PRAMEF27: variants seen among roughly 807,000 people sequenced by gnomAD.
PRAMEF27 encodes PRAME family member 27.
In PRAMEF27, 5 loss-of-function variants were observed where a neutral mutation model predicts 21.0. The observed-to-expected ratio is 0.24, with a 90% CI of 0.12 to 0.50. The LOEUF (loss-of-function observed/expected upper bound fraction) is 0.50, where lower values mean the gene tolerates loss of function less well. Ranked by LOEUF, PRAMEF27 falls within the 20% of genes least tolerant of loss-of-function variation. The pLI, the probability that PRAMEF27 is intolerant of heterozygous loss-of-function variation, is 0.98. For synonymous variants in PRAMEF27, 61 were observed against 211.2 expected (o/e 0.29, Z 6.17); for missense variants, 138 against 541.4 (o/e 0.25, Z 7.39).
chr1:13,055,729 C>G (rs1352176922), intron 1 of PRAMEF27: 2 of 147,476 alleles, frequency 1.4e-5, no homozygotes, highest in Non-Finnish European at 2.9e-5. Context: ...CTTCTGGACT[C>G]AAGTGATTCT....
chr1:13,053,739 T>C (rs1257147007), intron 1 of PRAMEF27, 64 bp from the exon 2 acceptor site: 5 of 1,549,900 alleles, frequency 3.2e-6, no homozygotes, highest in Admixed American at 1.8e-5. Flanking sequence ...AATCTCATCT[T>C]CTCCTATGGC....
rs1642225789 is a variant in PRAMEF27 at position 13,053,538 on chromosome 1, AG to A, written c.121del (p.Leu41CysfsTer14). 6.6e-7 allele frequency: 1 copy of A among 1,520,838 alleles called. No homozygotes were observed. Among genetic ancestry groups the A allele is most frequent in the Non-Finnish European group, 8.8e-7 (1 of 1,137,508 alleles). The allele number at this position is 1,520,838 out of a possible 1,614,324, so 94.2% of individuals were successfully genotyped here. On this transcript the variant is annotated frameshift_variant, in exon 2 of 4. Transcript: ENST00000436041. LOFTEE classifies it high-confidence loss of function. Reference sequence around the variant, plus strand: ...TCTCCTGCTGAAGGCCTCCATGAACAGTGGGGGGAAAAGTTCTGTGGGCAGC... The same window carrying A: ...TCTCCTGCTGAAGGCCTCCATGAACATGGGGGGAAAAGTTCTGTGGGCAGC... ...EELPTELFPP[L>X]FMEAFSRRCC...
chr1:13,052,024 A>C, intron 3 of PRAMEF27, 94 bp downstream of exon 3: 1 of 1,515,152 alleles, frequency 6.6e-7, no homozygotes, highest in Non-Finnish European at 8.8e-7. Context: ...TCACTGTTAC[A>C]TCCTCATAGG....
chr1:13,053,503 C>A lies in PRAMEF27; in HGVS notation c.157G>T (p.Ala53Ser). ...CAGGCCTGCACCATCAGCTTCAGGG[C>A]CTCACAGCATCTCCTGCTGAAGGCC... is the stretch of plus-strand genomic sequence containing the variant. ...MEAFSRRCCE[A>S]LKLMVQAWPF... The change falls in exon 2 of 4, where the codon GCC (alanine) becomes TCC (serine). Residue 53 changes from alanine to serine, a missense_variant. By Grantham distance (99) the Ala-to-Ser change is moderately conservative. Transcript: ENST00000436041. 4 of 1,474,714 alleles carry A rather than the reference C, an allele frequency of 2.7e-6. 1 individual carries two copies. Among genetic ancestry groups the A allele is most frequent in the Non-Finnish European group, 3.6e-6 (4 of 1,116,092 alleles). The allele number at this position is 1,474,714 out of a possible 1,614,324, so 91.4% of individuals were successfully genotyped here.
rs1642247300 is a variant in PRAMEF27 at position 13,056,397 on chromosome 1, A to C, written c.-17+17T>G. On this transcript the variant is annotated intron_variant, in intron 1 of 3. Transcript: ENST00000436041. ...CTAGGTCAGATGGGAGTGTCCTTAC[A>C]GAAATTAGTGACTTACCAGATCTGG... 3.1e-5 allele frequency: 4 copies of C among 128,138 alleles called. No homozygotes were observed. In the East Asian group the frequency reaches 8.5e-4, roughly 27 times the overall value. The allele number at this position is 128,138 out of a possible 1,614,324, so 7.9% of individuals were successfully genotyped here. A position where few individuals can be genotyped will look rare whatever the true frequency, so the allele number is the denominator to read the frequency against.
At chr1:13,050,854 A>AG (rs1642195649) in intron 3 of PRAMEF27, 1 of 26,790 alleles carries the variant, frequency 3.7e-5, no homozygotes, top group African/African-American at 2.6e-4. Context: ...AAAAAGAAGG[A>AG]AAAAAAATAA....
chr1:13,056,000 G>A (rs1243477234), intron 1 of PRAMEF27: 5 of 121,060 alleles, frequency 4.1e-5, no homozygotes, highest in Non-Finnish European at 6.2e-5. Flanking sequence ...AGGTTGCAGG[G>A]AGTTGAGATC....
chr1:13,050,559 A>C (rs1296045485), intron 3 of PRAMEF27, 190 bp from the exon 4 acceptor site: 1 of 630,066 alleles, frequency 1.6e-6, no homozygotes, highest in East Asian at 2.8e-5. Context: ...TCCACCTTAG[A>C]GCCGGCCCAG....
rs1642248406 is a variant in PRAMEF27, at chr1:13,056,503, G to T, written c.-106C>A. The T allele has an allele frequency of 7.9e-6, 1 of 126,836 alleles. No homozygotes were observed. Among genetic ancestry groups the T allele is most frequent in the Non-Finnish European group, 1.5e-5 (1 of 64,980 alleles). 7.9% of individuals were successfully genotyped at this position (126,836 alleles called of 1,614,324 possible). On this transcript the variant is annotated 5_prime_UTR_variant, in exon 1 of 4. Transcript: ENST00000436041. ...TGAAGACTTTGGGTCTCTCCTGTGG[G>T]TCTTTAGAAGCTTTTATTGACCTTT... is the stretch of plus-strand genomic sequence containing the variant.
At chr1:13,056,164 G>A (rs1177191509) in intron 1 of PRAMEF27, 1 of 117,378 alleles carries the variant, frequency 8.5e-6, no homozygotes, top group Non-Finnish European at 1.6e-5. Flanking sequence ...CCAAAGTGTT[G>A]GGGTTAAAGG....
At chr1:13,053,768 A>C (rs1253072660) in intron 1 of PRAMEF27, 93 bp from the exon 2 acceptor site, 43,168 of 1,449,088 alleles carry the variant, frequency 0.03, 3,229 homozygotes, top group Non-Finnish European at 0.035. Context: ...CTGCTCTGGC[A>C]ATGGTGAAAC....
At chr1:13,055,921 A>C (rs1642242601) in intron 1 of PRAMEF27, 1 of 132,462 alleles carries the variant, frequency 7.5e-6, no homozygotes, top group Non-Finnish European at 1.5e-5. Flanking sequence ...GCATGGTTTC[A>C]GATGTCTGTG....
chr1:13,049,847 C>A lies in PRAMEF27; in HGVS notation c.1398G>T (p.Arg466Ser). 1 of 1,412,160 alleles carries A rather than the reference C, an allele frequency of 7.1e-7. No individual in the cohort carries two copies. The highest frequency in any genetic ancestry group is 9.3e-7 in the Non-Finnish European group (1 of 1,078,704). The allele number at this position is 1,412,160 out of a possible 1,614,324, so 87.5% of individuals were successfully genotyped here. The change falls in exon 4 of 4, where the codon AGG becomes AGT. Residue 466 changes from arginine (R) to serine (S), a missense_variant. Physicochemically the swap from Arg to Ser is moderately radical, Grantham distance 110. Transcript: ENST00000436041. ...GATCTGCCTCCAGGTCATAAAATGACCTGTTGCCACAGTCAGGGCAGTTAT... is the reference window on the plus strand; with the variant it reads ...GATCTGCCTCCAGGTCATAAAATGAACTGTTGCCACAGTCAGGGCAGTTAT... ...CIDNCPDCGN[R>S]SFYDLEADQY... is the part of the protein sequence containing the mutation.
chr1:13,056,049 C>G (rs1396011326), intron 1 of PRAMEF27: 3 of 117,948 alleles, frequency 2.5e-5, no homozygotes, highest in South Asian at 5.6e-4. Context: ...CAGTGAGACT[C>G]CATCTCCACC....
chr1:13,053,833 T>C lies in PRAMEF27; in HGVS notation c.-16-158A>G. ...TACTCAGTGGCCATTAAGCCAGCAT[T>C]GTGCCTCTGCTGCATCAGCATGAGC... is the stretch of plus-strand genomic sequence containing the variant. On this transcript the variant is annotated intron_variant, in intron 1 of 3. Coordinates refer to ENST00000436041, the MANE Select transcript of PRAMEF27 (RefSeq NM_001300891.2). 3.8e-6 allele frequency: 4 copies of C among 1,058,390 alleles called. 2 individuals are homozygous for C. Among genetic ancestry groups the C allele is most frequent in the Non-Finnish European group, 5.1e-6 (4 of 789,134 alleles). 65.6% of individuals were successfully genotyped at this position (1,058,390 alleles called of 1,614,324 possible).
intron 1 of PRAMEF27, chr1:13,054,183 C>CTTCT: frequency 5.7e-5 from 1 of 17,632 alleles, no homozygotes; most frequent in Non-Finnish European, 9.4e-5. Context: ...CTCTCCCTCC[C>CTTCT]TTCTTTCTTT....
intron 3 of PRAMEF27, chr1:13,051,842 G>A: frequency 1.9e-6 from 1 of 512,882 alleles, no homozygotes. Flanking sequence ...GAAGAATTCA[G>A]AAAGGCACCC....
intron 1 of PRAMEF27, chr1:13,053,880 C>G: frequency 2.9e-6 from 2 of 700,038 alleles, no homozygotes; most frequent in Non-Finnish European, 4.1e-6. Flanking sequence ...AGTGAGGAAG[C>G]AGGGTCACCA....
intron 3 of PRAMEF27, chr1:13,051,239 G>C (rs1483986467): frequency 1.4e-5 from 2 of 148,124 alleles, no homozygotes; most frequent in Non-Finnish European, 3.0e-5. Context: ...CCAAACTATG[G>C]GGCACAAAGC....
Sources: gnomAD v4.1 joint callset for allele counts on GRCh38, gnomAD v4.1.1 for gene constraint, MANE v1.5 for transcripts, NCBI Gene and HGNC (gene_info 2026-07-23, HGNC 2026-07-21) for gene names.